Variants in ROR2 observed in about 807,000 individuals in gnomAD.
The protein encoded by ROR2 is ROR family WNT receptor 2.
ROR2 carries 33 observed loss-of-function variants against 74.9 expected under a neutral mutation model. The ratio of observed to expected loss-of-function variants is 0.44; its 90% CI spans 0.33 to 0.59. The LOEUF (loss-of-function observed/expected upper bound fraction) is 0.59. Ranked by LOEUF, ROR2 falls within the 20% of genes least tolerant of loss-of-function variation. The pLI, the probability that ROR2 is intolerant of heterozygous loss-of-function variation, is 0.02. For missense variants in ROR2, 1,216 were observed against 1,313.8 expected, an observed-to-expected ratio of 0.93 and a Z score of 1.15; for synonymous variants, 586 against 558.7, an observed-to-expected ratio of 1.05 and a Z score of -0.69.
At chr9:91,768,227 A>G (rs977640212) in intron 2 of ROR2, among the ~76,000 whole-genome samples, 7 of 152,172 alleles carry the variant, frequency 4.6e-5, no homozygotes, top group African/African-American at 1.7e-4. Flanking sequence ...AGCTGAGAGA[A>G]AACATTCTGA....
intron 1 of ROR2, among the ~76,000 whole-genome samples, chr9:91,786,727 G>C (rs1230106183): frequency 1.3e-5 from 2 of 152,202 alleles, no homozygotes; most frequent in African/African-American, 2.4e-5. Flanking sequence ...GAACTCAGCT[G>C]GGGGCGGAGG....
At chr9:91,784,882 T>C (rs953321515) in intron 1 of ROR2, among the ~76,000 whole-genome samples, 4 of 152,202 alleles carry the variant, frequency 2.6e-5, no homozygotes, top group Non-Finnish European at 4.4e-5. Context: ...TATTTTTCTG[T>C]CTCGCCTTCA....
Position 91,724,097 on chromosome 9 carries a change from G to A in ROR2, c.2397C>T (p.Pro799=), listed in dbSNP as rs780238625. Residue 799 remains proline (P), a synonymous_variant, in exon 9 of 9, where the codon CCC becomes CCT. Transcript: ENST00000375708. The stretch of plus-strand genomic sequence containing the variant: ...TCTGGCCCTTCATGGGGATGAACTG[G>A]GGCTGTGGGAAGGGCGGGGCCTTCT... ...PKQKAPPFPQ[P]QFIPMKGQIR... 1.2e-6 allele frequency: 2 copies of A among 1,611,296 alleles called. No homozygotes were observed. Among genetic ancestry groups the A allele is most frequent in the South Asian group, 1.1e-5 (1 of 91,050 alleles).
Position 91,873,928 on chromosome 9 carries a change from T to C in ROR2, c.97+75939A>G, listed in dbSNP as rs546267003. ...ACTTTCGCTTCTCCTCAGAGATAAATTTTAAAAGGAGGGCACTAAGAGAGC... is the reference window on the plus strand; with the variant it reads ...ACTTTCGCTTCTCCTCAGAGATAAACTTTAAAAGGAGGGCACTAAGAGAGC... On this transcript the variant is annotated intron_variant, in intron 1 of 8. Transcript: ENST00000375708. 8.4e-4 allele frequency among the ~76,000 whole-genome samples: 128 copies of C among 152,284 alleles called. 1 individual carries two copies. Among genetic ancestry groups the C allele is most frequent in the African/African-American group, 3.0e-3 (124 of 41,560 alleles).
intron 1 of ROR2, among the ~76,000 whole-genome samples, chr9:91,867,522 C>T (rs922556893): frequency 6.6e-6 from 1 of 152,072 alleles, no homozygotes; most frequent in Non-Finnish European, 1.5e-5. Context: ...GGAACTAAAA[C>T]CCAAGATGTT....
rs558670395 is a variant in ROR2 at position 91,893,409 on chromosome 9, C to T, written c.97+56458G>A. Among the ~76,000 whole-genome samples the T allele has an allele frequency of 4.6e-5, 7 of 152,148 alleles. No individual in the cohort carries two copies. In the East Asian group the frequency reaches 1.4e-3, roughly 29 times the overall value. ...GAGCCAAGATCATGCCACTGCACTC[C>T]AGCCTGGGTGGCAGAGTAAGTGTGA... On this transcript the variant is annotated intron_variant, in intron 1 of 8. Transcript: ENST00000375708.
At chr9:91,789,892 T>C (rs1826915581) in intron 1 of ROR2, among the ~76,000 whole-genome samples, 3 of 151,944 alleles carry the variant, frequency 2.0e-5, no homozygotes, top group Admixed American at 1.3e-4. Flanking sequence ...ACTGGCAGAA[T>C]GGATTTAAAA....
chr9:91,899,752 C>T (rs1184689897), intron 1 of ROR2, among the ~76,000 whole-genome samples: 1 of 152,172 alleles, frequency 6.6e-6, no homozygotes, highest in African/African-American at 2.4e-5. Flanking sequence ...CACATATACA[C>T]TCACACACAA....
At chr9:91,768,416 T>A (rs1470439841) in intron 2 of ROR2, among the ~76,000 whole-genome samples, 2 of 152,280 alleles carry the variant, frequency 1.3e-5, no homozygotes, top group African/African-American at 4.8e-5. Flanking sequence ...GACAGAGACA[T>A]GGGTGTGTGC....
chr9:91,892,668 C>T (rs911551412), intron 1 of ROR2, among the ~76,000 whole-genome samples: 3 of 146,308 alleles, frequency 2.1e-5, no homozygotes, highest in African/African-American at 7.7e-5. Flanking sequence ...CAGCTCACTG[C>T]AACCTCCACC....
intron 1 of ROR2, among the ~76,000 whole-genome samples, chr9:91,780,638 A>G (rs142243104): frequency 0.019 from 2,934 of 151,758 alleles, 42 homozygotes; most frequent in South Asian, 0.036. Flanking sequence ...TAAAAATACA[A>G]AAATTAGCCA....
chr9:91,881,047 A>T (rs1412713403), intron 1 of ROR2, among the ~76,000 whole-genome samples: 2 of 152,196 alleles, frequency 1.3e-5, no homozygotes, highest in African/African-American at 4.8e-5. Context: ...GTAATGGGAC[A>T]TCTTGCCAGC....
intron 1 of ROR2, among the ~76,000 whole-genome samples, chr9:91,809,947 A>G (rs900872750): frequency 2.6e-5 from 4 of 152,244 alleles, no homozygotes; most frequent in Non-Finnish European, 4.4e-5. Flanking sequence ...CTCACACGTC[A>G]TTTGTGGCAA....
In ROR2 at chr9:91,827,589, GA is replaced by G. The variant is rs375924851; in HGVS notation, c.98-51772del. Among the ~76,000 whole-genome samples, 376 of 152,262 alleles carry G rather than the reference GA, an allele frequency of 2.5e-3. 4 individuals are homozygous for G. The highest frequency in any genetic ancestry group is 8.8e-3 in the African/African-American group (366 of 41,540). ...CTACTCAGGACGGATTCCTAGAAGT[GA>G]AAGTACTGGGTCCAAGGAGCAGGGG... On this transcript the variant is annotated intron_variant, in intron 1 of 8. Transcript: ENST00000375708.
chr9:91,843,096 T>C (rs957708764), intron 1 of ROR2, among the ~76,000 whole-genome samples: 6 of 152,106 alleles, frequency 3.9e-5, no homozygotes, highest in African/African-American at 7.2e-5. Context: ...CCACAGAGAA[T>C]GTGTTTACAT....
chr9:91,931,641 AAACC>A (rs1480466621), intron 1 of ROR2, among the ~76,000 whole-genome samples: 20 of 152,190 alleles, frequency 1.3e-4, no homozygotes. Flanking sequence ...AAATTCCCTA[AAACC>A]AAAACATAGC....
intron 4 of ROR2, among the ~76,000 whole-genome samples, chr9:91,746,618 G>A (rs1048980858): frequency 5.3e-5 from 8 of 152,134 alleles, no homozygotes; most frequent in Non-Finnish European, 8.8e-5. Flanking sequence ...TCCACCTGGA[G>A]AGGCTCATTA....
intron 2 of ROR2, among the ~76,000 whole-genome samples, chr9:91,759,524 A>G (rs1825852489): frequency 6.6e-6 from 1 of 152,066 alleles, no homozygotes; most frequent in East Asian, 1.9e-4. Context: ...CATTAACTCA[A>G]CCATACAGGC....
intron 2 of ROR2, among the ~76,000 whole-genome samples, chr9:91,758,871 C>G (rs1425513927): frequency 6.6e-6 from 1 of 152,256 alleles, no homozygotes; most frequent in Non-Finnish European, 1.5e-5. Context: ...TGGAGAACTA[C>G]TCCGTCTCTT....
Sources: gnomAD v4.1 joint callset for allele counts (sites outside exome capture counted in the v4.1 genomes callset) on GRCh38, gnomAD v4.1.1 for gene constraint, MANE v1.5 for transcripts, NCBI Gene and HGNC (gene_info 2026-07-23, HGNC 2026-07-21) for gene names.